Variants in SPAG9 observed in about 807,000 individuals in gnomAD.
SPAG9 encodes the protein sperm associated antigen 9.
A neutral mutation model predicts 166.5 loss-of-function variants in SPAG9; 35 were observed. The ratio of observed to expected loss-of-function variants is 0.21; its 90% CI spans 0.16 to 0.28. SPAG9 has a LOEUF of 0.28. Ranked by LOEUF, SPAG9 falls within the 10% of genes least tolerant of loss-of-function variation. SPAG9 has a pLI of 1.00. For synonymous variants in SPAG9, 534 were observed against 565.5 expected (o/e 0.94, Z 0.79); for missense variants, 1,235 against 1,603.3 (o/e 0.77, Z 3.92).
intron 13 of SPAG9, 39 bp from the exon 14 acceptor site, chr17:50,999,756 G>A: frequency 6.4e-7 from 1 of 1,553,720 alleles, no homozygotes; most frequent in South Asian, 1.1e-5. Context: ...ATTTATCAGT[G>A]AGGTATTCTA....
chr17:51,019,362 G>C (rs961222353), intron 8 of SPAG9, among the ~76,000 whole-genome samples: 9 of 152,072 alleles, frequency 5.9e-5, no homozygotes, highest in African/African-American at 2.2e-4. Context: ...ACACCAGCCT[G>C]GCCAACATGG....
At position 51,053,853 on chromosome 17, in the gene SPAG9, A is replaced by T. The variant is rs866219732; in HGVS notation, c.495+2559T>A. On this transcript the variant is annotated intron_variant, in intron 3 of 29. Transcript: ENST00000262013. The stretch of plus-strand genomic sequence containing the variant: ...ACCCTAATTAAAAAAAAAAAAAAAA[A>T]AGTATATATATATATATATATATAT... 4.5e-3 allele frequency among the ~76,000 whole-genome samples: 250 copies of T among 56,118 alleles called. 1 individual carries two copies. Among genetic ancestry groups the T allele is most frequent in the South Asian group, 8.8e-3 (17 of 1,924 alleles). 36.8% of individuals were successfully genotyped at this position (56,118 alleles called of 152,430 possible). A position where few individuals can be genotyped will look rare whatever the true frequency, so the allele number is the denominator to read the frequency against.
intron 15 of SPAG9, among the ~76,000 whole-genome samples, chr17:50,997,946 A>G (rs1380628107): frequency 2.0e-5 from 3 of 152,102 alleles, no homozygotes; most frequent in Non-Finnish European, 4.4e-5. Flanking sequence ...TCTCTTTTAT[A>G]AAAACTGAAA....
rs954912115 is a variant in SPAG9, at chr17:50,964,178, T to C, written c.*2094A>G. 6.6e-6 allele frequency: 1 copy of C among 152,230 alleles called. No homozygotes were observed. Among genetic ancestry groups the C allele is most frequent in the African/African-American group, 2.4e-5 (1 of 41,452 alleles). The allele number at this position is 152,230 out of a possible 1,614,324, so 9.4% of individuals were successfully genotyped here. On this transcript the variant is annotated 3_prime_UTR_variant, in exon 30 of 30. Transcript: ENST00000262013. Reference sequence around the variant, plus strand: ...AAAAAAAATCAGTGGTACTTAAGAATGTTTAGACAATTTGACATCTACGTT... The same window carrying C: ...AAAAAAAATCAGTGGTACTTAAGAACGTTTAGACAATTTGACATCTACGTT...
intron 6 of SPAG9, among the ~76,000 whole-genome samples, chr17:51,027,426 C>A (rs1412729949): frequency 4.0e-5 from 6 of 150,620 alleles, no homozygotes; most frequent in Middle Eastern, 3.4e-3. Flanking sequence ...CAGAGCAAGA[C>A]CTTGTCTCAA....
chr17:51,062,421 C>A (rs2047543021), intron 2 of SPAG9, among the ~76,000 whole-genome samples: 1 of 152,172 alleles, frequency 6.6e-6, no homozygotes, highest in African/African-American at 2.4e-5. Context: ...CTGTGCTCCA[C>A]CTATTCATCC....
intron 7 of SPAG9, among the ~76,000 whole-genome samples, chr17:51,020,502 T>A (rs1415342004): frequency 1.3e-5 from 2 of 152,184 alleles, no homozygotes; most frequent in Non-Finnish European, 2.9e-5. Context: ...CAGTACAATG[T>A]ATCCAAGGCC....
chr17:51,047,952 T>C (rs2047076600), intron 3 of SPAG9, among the ~76,000 whole-genome samples: 1 of 152,092 alleles, frequency 6.6e-6, no homozygotes, highest in South Asian at 2.1e-4. Flanking sequence ...ATTAACAGAA[T>C]AAAGATCACT....
chr17:51,074,762 A>C (rs1449130001), intron 2 of SPAG9, among the ~76,000 whole-genome samples: 1 of 152,142 alleles, frequency 6.6e-6, no homozygotes, highest in African/African-American at 2.4e-5. Flanking sequence ...GCTTTTGGAG[A>C]GAGGAATGAG....
intron 1 of SPAG9, among the ~76,000 whole-genome samples, chr17:51,096,917 G>T (rs1303314452): frequency 1.3e-5 from 2 of 152,146 alleles, no homozygotes; most frequent in Non-Finnish European, 2.9e-5. Flanking sequence ...TATGTTAATG[G>T]GTAGATTCAT....
intron 3 of SPAG9, among the ~76,000 whole-genome samples, chr17:51,053,844 AAAAAAAAAAAGT>A (rs1416018281): frequency 2.6e-5 from 2 of 77,678 alleles, no homozygotes; most frequent in African/African-American, 1.2e-4. Flanking sequence ...ATTAAAAAAA[AAAAAAAAAAAGT>A]ATATATATAT....
intron 5 of SPAG9, among the ~76,000 whole-genome samples, chr17:51,037,377 A>C (rs1277313732): frequency 6.6e-6 from 1 of 151,914 alleles, no homozygotes; most frequent in Non-Finnish European, 1.5e-5. Context: ...TAGTCCCAGG[A>C]CTTTGGGAGG....
chr17:51,079,527 C>A, intron 2 of SPAG9, 57 bp downstream of exon 2: 1 of 1,567,322 alleles, frequency 6.4e-7, no homozygotes. Context: ...GCGTGAGCCA[C>A]CACGTCTGGC....
chr17:51,077,021 T>TCTATCTAGCTATCTAGCTAG lies in SPAG9; in HGVS notation c.424+2562_424+2563insCTAGCTAGATAGCTAGATAG, dbSNP rs1555655271. On this transcript the variant is annotated intron_variant, in intron 2 of 29. Transcript: ENST00000262013. ...AGCTATCTAGCTAGCTAGCTAGCTA[T>TCTATCTAGCTATCTAGCTAG]CTAGCTATCTATCTAGCTATCTAGC... Among the ~76,000 whole-genome samples the TCTATCTAGCTATCTAGCTAG allele has an allele frequency of 7.6e-3, 580 of 76,072 alleles. 9 individuals are homozygous for TCTATCTAGCTATCTAGCTAG. Among genetic ancestry groups the TCTATCTAGCTATCTAGCTAG allele is most frequent in the Middle Eastern group, 0.019 (3 of 162 alleles). The allele number at this position is 76,072 out of a possible 152,430, so 49.9% of individuals were successfully genotyped here. A position where few individuals can be genotyped will look rare whatever the true frequency, so the allele number is the denominator to read the frequency against.
chr17:50,978,329 T>C (rs866677451), intron 26 of SPAG9, among the ~76,000 whole-genome samples: 11 of 152,218 alleles, frequency 7.2e-5, no homozygotes, highest in Admixed American at 1.3e-4. Flanking sequence ...TGTGTTTGCA[T>C]GTGTATATAT....
At chr17:51,010,616 TAC>T in intron 9 of SPAG9, among the ~76,000 whole-genome samples, 1 of 149,212 alleles carries the variant, frequency 6.7e-6, no homozygotes, top group Admixed American at 6.7e-5. Flanking sequence ...TATGTATGTA[TAC>T]ACACACACAT....
intron 24 of SPAG9, 113 bp downstream of exon 24, chr17:50,984,806 TGTTA>T: frequency 2.5e-6 from 2 of 797,688 alleles, no homozygotes; most frequent in African/African-American, 3.4e-5. Flanking sequence ...TGTTGTGTAT[TGTTA>T]GTATTTATTC....
Position 50,969,907 on chromosome 17 carries a change from T to C in SPAG9, c.3850+800A>G, listed in dbSNP as rs573675001. Among the ~76,000 whole-genome samples the C allele has an allele frequency of 1.2e-4, 19 of 152,338 alleles. 2 individuals are homozygous for C. The South Asian group carries it at 3.7e-3, about 30-fold the overall frequency. ...TCAGTAACATTTTAATTTATTAACA[T>C]GTCTCTATCTCTGCACTGTTCTATA... On this transcript the variant is annotated intron_variant, in intron 29 of 29. Coordinates refer to ENST00000262013, the MANE Select transcript of SPAG9 (RefSeq NM_001130528.3).
intron 6 of SPAG9, chr17:51,023,417 TA>T (rs1273708045): frequency 4.2e-6 from 1 of 239,024 alleles, no homozygotes; most frequent in African/African-American, 2.3e-5. Context: ...GTGGTAGCTT[TA>T]GATCCACCTT....
Sources: gnomAD v4.1 joint callset for allele counts (sites outside exome capture counted in the v4.1 genomes callset) on GRCh38, gnomAD v4.1.1 for gene constraint, MANE v1.5 for transcripts, NCBI Gene and HGNC (gene_info 2026-07-23, HGNC 2026-07-21) for gene names.